BTG4: variants seen among roughly 807,000 people sequenced by gnomAD.
BTG4 encodes BTG anti-proliferation factor 4, also known as protein BTG4.
BTG4 carries 10 observed loss-of-function variants against 19.3 expected under a neutral mutation model. The observed-to-expected ratio is 0.52, with a 90% CI of 0.32 to 0.88. BTG4 has a LOEUF of 0.88. Ranked by LOEUF, BTG4 falls within the 40% of genes least tolerant of loss-of-function variation. BTG4 has a pLI of 0.04. For synonymous variants in BTG4, 91 were observed against 95.7 expected, an observed-to-expected ratio of 0.95 and a Z score of 0.29; for missense variants, 238 against 281.9, an observed-to-expected ratio of 0.84 and a Z score of 1.11.
downstream of BTG4, chr11:111,464,410 C>T (rs1863601176): frequency 6.6e-6 from 1 of 152,268 alleles, no homozygotes; most frequent in African/African-American, 2.4e-5. Flanking sequence ...GGGAATCACA[C>T]AAGGGCATGG....
At chr11:111,439,251 T>C in the BTG4 span, among the ~76,000 whole-genome samples, 1 of 152,250 alleles carries the variant, frequency 6.6e-6, no homozygotes, top group Non-Finnish European at 1.5e-5. Context: ...TTGCTGATGA[T>C]GCTAAACAAA....
At chr11:111,398,505 G>C in the BTG4 span, among the ~76,000 whole-genome samples, 2 of 152,020 alleles carry the variant, frequency 1.3e-5, no homozygotes, top group Admixed American at 1.3e-4. Context: ...TCAGGCTGGA[G>C]TGCAGTGGCT....
downstream of BTG4, among the ~76,000 whole-genome samples, chr11:111,490,166 G>A (rs1009483392): frequency 6.6e-6 from 1 of 151,342 alleles, no homozygotes; most frequent in Admixed American, 6.6e-5. Context: ...CGTGCTACTC[G>A]GGAGGCTGAG....
At chr11:111,458,393 C>A in the BTG4 span, among the ~76,000 whole-genome samples, 1 of 152,198 alleles carries the variant, frequency 6.6e-6, no homozygotes, top group African/African-American at 2.4e-5. Context: ...TGACTTCATA[C>A]CCCGACCCCA....
chr11:111,393,627 C>T, the BTG4 span, among the ~76,000 whole-genome samples: 4 of 152,216 alleles, frequency 2.6e-5, no homozygotes, highest in Non-Finnish European at 5.9e-5. Flanking sequence ...GGAGGAAAAA[C>T]TCCCCAGTTA....
chr11:111,417,618 A>G, the BTG4 span: 1 of 152,184 alleles, frequency 6.6e-6, no homozygotes, highest in Non-Finnish European at 1.5e-5. Context: ...TCACTCCCTC[A>G]TAGCACTGTC....
At chr11:111,477,238 T>A (rs546115472) in intron 5 of BTG4, among the ~76,000 whole-genome samples, 4 of 152,152 alleles carry the variant, frequency 2.6e-5, no homozygotes, top group Non-Finnish European at 5.9e-5. Flanking sequence ...ACAGGGATCA[T>A]GTTCTCCTTA....
At chr11:111,431,680 G>A in the BTG4 span, among the ~76,000 whole-genome samples, 22 of 152,312 alleles carry the variant, frequency 1.4e-4, no homozygotes, top group East Asian at 4.2e-3. Context: ...GACAACCCCC[G>A]GGGCTGGACC....
chr11:111,401,222 C>T, the BTG4 span, among the ~76,000 whole-genome samples: 1 of 152,036 alleles, frequency 6.6e-6, no homozygotes, highest in African/African-American at 2.4e-5. Flanking sequence ...CGCAGTGGCT[C>T]ACGCCTGTAA....
At chr11:111,462,961 T>C (rs2135496847), downstream of BTG4, 1 of 152,840 alleles carries the variant, frequency 6.5e-6, no homozygotes, top group Admixed American at 6.5e-5. Context: ...GTAGGTGGGC[T>C]CAAGGAACCT....
chr11:111,467,625 A>G, exon 6 of BTG4: 1 of 760,392 alleles, frequency 1.3e-6, no homozygotes, highest in Non-Finnish European at 2.4e-6. Flanking sequence ...GTGCCTTCCA[A>G]GGTGCCTTCT....
the BTG4 span, among the ~76,000 whole-genome samples, chr11:111,427,474 A>G: frequency 6.6e-6 from 1 of 152,222 alleles, no homozygotes; most frequent in Non-Finnish European, 1.5e-5. Context: ...AACTCCATAT[A>G]AAACAACAGA....
chr11:111,457,565 C>T, the BTG4 span, among the ~76,000 whole-genome samples: 2 of 152,136 alleles, frequency 1.3e-5, no homozygotes, highest in East Asian at 3.9e-4. Context: ...CTCTTACCCC[C>T]AACCTTCCCT....
chr11:111,476,702 T>C (rs1209121091), intron 5 of BTG4, among the ~76,000 whole-genome samples: 1 of 152,110 alleles, frequency 6.6e-6, no homozygotes, highest in African/African-American at 2.4e-5. Flanking sequence ...CAGATACTAA[T>C]AAAATGGTAA....
the BTG4 span, chr11:111,417,477 C>T: frequency 6.6e-6 from 1 of 152,092 alleles, no homozygotes; most frequent in Non-Finnish European, 1.5e-5. Flanking sequence ...CCTGCCTTCT[C>T]ACAAGTGGGC....
intron 5 of BTG4, among the ~76,000 whole-genome samples, chr11:111,470,524 C>T (rs1283501913): frequency 6.6e-6 from 1 of 152,176 alleles, no homozygotes; most frequent in East Asian, 1.9e-4. Flanking sequence ...AAAACTGTGA[C>T]TCATACTAAC....
the BTG4 span, among the ~76,000 whole-genome samples, chr11:111,439,989 G>A: frequency 3.9e-5 from 6 of 152,160 alleles, no homozygotes; most frequent in African/African-American, 1.2e-4. Context: ...CTAAGACAAC[G>A]GTTGTTTTAT....
the BTG4 span, among the ~76,000 whole-genome samples, chr11:111,398,728 A>C: frequency 2.6e-5 from 4 of 151,368 alleles, no homozygotes; most frequent in Non-Finnish European, 5.9e-5. Flanking sequence ...TCCCACTTAA[A>C]CTAGGAATGG....
intron 1 of BTG4, among the ~76,000 whole-genome samples, chr11:111,500,313 C>G (rs1435156462): frequency 6.6e-6 from 1 of 152,180 alleles, no homozygotes; most frequent in African/African-American, 2.4e-5. Flanking sequence ...TACGTTAAGT[C>G]TTTAACGCTC....
Sources: allele counts gnomAD v4.1 joint callset (sites outside exome capture counted in the v4.1 genomes callset), GRCh38; gene constraint gnomAD v4.1.1; transcripts MANE v1.5; gene names NCBI Gene and HGNC (gene_info 2026-07-23, HGNC 2026-07-21).